The following SV2C variants were observed in gnomAD, a reference collection of about 807,000 sequenced individuals.
The protein encoded by SV2C is solute carrier family 22 member B3.
Under a neutral mutation model 79.7 loss-of-function variants are expected in SV2C, and 49 were observed. The observed-to-expected ratio is 0.61, with a 90% CI of 0.49 to 0.78. SV2C has a LOEUF of 0.78. SV2C is among the 30% of genes least tolerant of loss of function. The pLI, the probability that SV2C is intolerant of heterozygous loss-of-function variation, is 0.00. For synonymous variants in SV2C, 334 were observed against 333.2 expected, an observed-to-expected ratio of 1.00 and a Z score of -0.03; for missense variants, 833 against 912.9, an observed-to-expected ratio of 0.91 and a Z score of 1.13.
rs752641294 is a variant in SV2C at position 76,132,144 on chromosome 5, G to A, written c.394G>A (p.Glu132Lys). The A allele has an allele frequency of 2.5e-6, 4 of 1,614,006 alleles. No homozygotes were observed. The highest frequency in any genetic ancestry group is 2.5e-6 in the Non-Finnish European group (3 of 1,180,026). ...ELESERRADE[E>K]ELAQQYELII... ...GGAATCAGAAAGGAGAGCTGACGAGGAAGAGTTAGCCCAGCAGTATGAGCT... is the reference window on the plus strand; with the variant it reads ...GGAATCAGAAAGGAGAGCTGACGAGAAAGAGTTAGCCCAGCAGTATGAGCT... Residue 132 changes from glutamate to lysine, a missense_variant, in exon 2 of 13, where the codon GAA becomes AAA. Glu to Lys is a moderately conservative substitution (Grantham distance 56). Coordinates refer to ENST00000502798, the MANE Select transcript of SV2C (RefSeq NM_014979.4).
intron 2 of SV2C, chr5:76,173,612 A>G: frequency 6.2e-7 from 1 of 1,603,064 alleles, no homozygotes; most frequent in Non-Finnish European, 8.5e-7. Context: ...GCTCAGAGCT[A>G]CAATGCATTT....
At chr5:76,003,692 C>G in the SV2C span, among the ~76,000 whole-genome samples, 1 of 152,030 alleles carries the variant, frequency 6.6e-6, no homozygotes, top group African/African-American at 2.4e-5. Flanking sequence ...GCCCTTCAAA[C>G]CTCAGAAAAT....
chr5:76,147,643 G>A (rs1387786524), intron 2 of SV2C, among the ~76,000 whole-genome samples: 2 of 152,148 alleles, frequency 1.3e-5, no homozygotes, highest in Non-Finnish European at 2.9e-5. Context: ...GAAATCAGAG[G>A]GGAACAAGTA....
At position 76,328,728 on chromosome 5, in the gene SV2C, T is replaced by C. The variant is rs1441362461; in HGVS notation, c.*3181T>C. 1 of 152,146 alleles carries C rather than the reference T, an allele frequency of 6.6e-6. No individual in the cohort carries two copies. Among genetic ancestry groups the C allele is most frequent in the Admixed American group, 6.5e-5 (1 of 15,272 alleles). 9.4% of individuals were successfully genotyped at this position (152,146 alleles called of 1,614,324 possible). A position where few individuals can be genotyped will look rare whatever the true frequency, so the allele number is the denominator to read the frequency against. Reference sequence around the variant, plus strand: ...TCTCCAGCATTGTAGAAGACAGTAATGAAAATAGCTTCATCTTATCTGCCT... The same window carrying C: ...TCTCCAGCATTGTAGAAGACAGTAACGAAAATAGCTTCATCTTATCTGCCT... On this transcript the variant is annotated 3_prime_UTR_variant, in exon 13 of 13. Transcript: ENST00000502798.
chr5:76,319,250 A>C (rs1455838182), intron 12 of SV2C, among the ~76,000 whole-genome samples: 1 of 40,430 alleles, frequency 2.5e-5, no homozygotes, highest in Non-Finnish European at 4.0e-5. Context: ...CATCTCTACA[A>C]AAAAAAAAAA....
chr5:76,052,736 C>T, the SV2C span, among the ~76,000 whole-genome samples: 2 of 152,162 alleles, frequency 1.3e-5, no homozygotes, highest in Non-Finnish European at 2.9e-5. Context: ...AACACTCAGT[C>T]CCTACAATAT....
chr5:76,321,339 G>A (rs1377171729), intron 12 of SV2C, among the ~76,000 whole-genome samples: 1 of 152,018 alleles, frequency 6.6e-6, no homozygotes, highest in South Asian at 2.1e-4. Context: ...CCCTGTATTC[G>A]ATGTGCCTTT....
chr5:76,150,455 C>T (rs1017143003), intron 2 of SV2C, among the ~76,000 whole-genome samples: 3 of 151,860 alleles, frequency 2.0e-5, no homozygotes, highest in East Asian at 1.9e-4. Context: ...GGATTACAGG[C>T]GCGAGCCACG....
At chr5:76,033,178 G>T in the SV2C span, among the ~76,000 whole-genome samples, 27 of 151,854 alleles carry the variant, frequency 1.8e-4, no homozygotes, top group East Asian at 5.8e-4. Flanking sequence ...TTGCAAAAAT[G>T]TTCTCCCATT....
the SV2C span, among the ~76,000 whole-genome samples, chr5:75,957,659 T>C: frequency 6.6e-6 from 1 of 152,076 alleles, no homozygotes; most frequent in Non-Finnish European, 1.5e-5. Flanking sequence ...TGACATCATG[T>C]TAATTAAATC....
At chr5:75,953,726 G>T in the SV2C span, among the ~76,000 whole-genome samples, 2 of 151,950 alleles carry the variant, frequency 1.3e-5, no homozygotes, top group African/African-American at 4.8e-5. Flanking sequence ...GGATAAATCT[G>T]AGTTGCGTTT....
chr5:76,174,006 C>G (rs1211363526), intron 2 of SV2C: 6 of 1,566,622 alleles, frequency 3.8e-6, no homozygotes, highest in Non-Finnish European at 5.3e-6. Context: ...TGCTCCGTTC[C>G]TGCAGTATCC....
chr5:76,155,250 C>T (rs1005156818), intron 2 of SV2C, among the ~76,000 whole-genome samples: 2 of 152,078 alleles, frequency 1.3e-5, no homozygotes, highest in African/African-American at 2.4e-5. Context: ...TTTGGGATGC[C>T]GAGATTTTAT....
chr5:75,914,638 T>C, the SV2C span, among the ~76,000 whole-genome samples: 1 of 152,144 alleles, frequency 6.6e-6, no homozygotes, highest in Non-Finnish European at 1.5e-5. Context: ...TAGGAGAGAG[T>C]ACAATTAACT....
At chr5:76,226,119 C>T (rs1294699738) in intron 4 of SV2C, among the ~76,000 whole-genome samples, 1 of 152,178 alleles carries the variant, frequency 6.6e-6, no homozygotes, top group African/African-American at 2.4e-5. Flanking sequence ...TTGAATTCCA[C>T]TCTGTTCTTT....
At chr5:76,215,945 T>G (rs1327611933) in intron 4 of SV2C, among the ~76,000 whole-genome samples, 1 of 152,128 alleles carries the variant, frequency 6.6e-6, no homozygotes, top group Non-Finnish European at 1.5e-5. Context: ...CTGAGCCTGA[T>G]GCTGTGAGAC....
intron 4 of SV2C, among the ~76,000 whole-genome samples, chr5:76,246,591 G>A (rs559981499): frequency 6.6e-6 from 1 of 152,054 alleles, no homozygotes; most frequent in South Asian, 2.1e-4. Flanking sequence ...CACCTTCTGG[G>A]TCCACACAGC....
chr5:76,097,435 G>A (rs1747603228), intron 1 of SV2C, among the ~76,000 whole-genome samples: 1 of 152,104 alleles, frequency 6.6e-6, no homozygotes. Flanking sequence ...TTGCCAATAA[G>A]CACACCTGTA....
At chr5:75,930,499 C>G in the SV2C span, among the ~76,000 whole-genome samples, 3 of 152,246 alleles carry the variant, frequency 2.0e-5, no homozygotes, top group South Asian at 6.2e-4. Context: ...TATTTCTTTC[C>G]TGGGTCAGGA....
Sources: gnomAD v4.1 joint callset for allele counts (sites outside exome capture counted in the v4.1 genomes callset) on GRCh38, gnomAD v4.1.1 for gene constraint, MANE v1.5 for transcripts, NCBI Gene and HGNC (gene_info 2026-07-23, HGNC 2026-07-21) for gene names.